The following PPP2R2B variants were observed in gnomAD, a reference collection of about 807,000 sequenced individuals.
The protein encoded by PPP2R2B is protein phosphatase 2 regulatory subunit Bbeta.
A neutral mutation model predicts 46.0 loss-of-function variants in PPP2R2B; 5 were observed. The observed-to-expected ratio is 0.11, with a 90% CI of 0.06 to 0.23. The LOEUF (loss-of-function observed/expected upper bound fraction) is 0.23, where lower values mean the gene tolerates loss of function less well. Among genes scored for constraint, PPP2R2B ranks in the 10% least tolerant of loss-of-function variants. The pLI is 1.00. For synonymous variants in PPP2R2B, 215 were observed against 206.7 expected (o/e 1.04, Z -0.34); for missense variants, 367 against 575.0 (o/e 0.64, Z 3.70).
intron 1 of PPP2R2B, among the ~76,000 whole-genome samples, chr5:146,996,236 G>A (rs1753917916): frequency 6.6e-6 from 1 of 152,178 alleles, no homozygotes. Context: ...GGCAGACGGG[G>A]AAGCCTTCAC....
At chr5:147,071,176 C>A (rs1757583827) in intron 2 of PPP2R2B, among the ~76,000 whole-genome samples, 1 of 151,998 alleles carries the variant, frequency 6.6e-6, no homozygotes, top group Non-Finnish European at 1.5e-5. Flanking sequence ...GTCTTGGGAC[C>A]AAGCTGACAT....
chr5:146,771,245 T>C (rs748297470), intron 2 of PPP2R2B, among the ~76,000 whole-genome samples: 2 of 152,138 alleles, frequency 1.3e-5, no homozygotes, highest in African/African-American at 4.8e-5. Context: ...AAATACCTCT[T>C]TGATGCTTGT....
intron 2 of PPP2R2B, among the ~76,000 whole-genome samples, chr5:146,773,961 C>T (rs949448195): frequency 2.0e-5 from 3 of 152,246 alleles, no homozygotes; most frequent in East Asian, 1.9e-4. Flanking sequence ...CACTGCAACC[C>T]GTCGTAATAG....
chr5:146,965,797 A>G lies in PPP2R2B; in HGVS notation c.79+89868T>C, dbSNP rs538960337. Reference sequence around the variant, plus strand: ...TTCTTAAAATCCATAGCAGGAAAGCATGATGGTTAATAGCTAGGCTCTGAC... The same window carrying G: ...TTCTTAAAATCCATAGCAGGAAAGCGTGATGGTTAATAGCTAGGCTCTGAC... On this transcript the variant is annotated intron_variant, in intron 1 of 8. Transcript: ENST00000336640. Among the ~76,000 whole-genome samples the G allele has an allele frequency of 5.9e-5, 9 of 152,330 alleles. No homozygotes were observed. In the East Asian group the frequency reaches 1.7e-3, roughly 29 times the overall value.
intron 1 of PPP2R2B, among the ~76,000 whole-genome samples, chr5:146,963,565 A>T (rs911332044): frequency 6.6e-5 from 10 of 152,162 alleles, no homozygotes; most frequent in Non-Finnish European, 1.5e-4. Flanking sequence ...TGGGGTCCCA[A>T]GTTTTTCCCC....
chr5:146,838,253 G>A (rs1275150458), intron 2 of PPP2R2B, among the ~76,000 whole-genome samples: 2 of 152,100 alleles, frequency 1.3e-5, no homozygotes, highest in African/African-American at 4.8e-5. Context: ...ATACAGGGTG[G>A]TTAGGGGATT....
intron 1 of PPP2R2B, among the ~76,000 whole-genome samples, chr5:146,924,627 C>T (rs886381434): frequency 6.6e-6 from 1 of 152,140 alleles, no homozygotes; most frequent in Non-Finnish European, 1.5e-5. Context: ...ACCCTGTGGT[C>T]AGAAGGGCCT....
intron 2 of PPP2R2B, among the ~76,000 whole-genome samples, chr5:146,740,865 T>C (rs1317551358): frequency 1.3e-5 from 2 of 152,076 alleles, no homozygotes; most frequent in Non-Finnish European, 1.5e-5. Context: ...GTGTGTCTCA[T>C]AGGCCATGAA....
At chr5:146,877,422 C>T (rs1288085719) in intron 2 of PPP2R2B, among the ~76,000 whole-genome samples, 1 of 152,214 alleles carries the variant, frequency 6.6e-6, no homozygotes, top group South Asian at 2.1e-4. Flanking sequence ...ATTCGCTGCC[C>T]GCCAGAGCAC....
intron 1 of PPP2R2B, among the ~76,000 whole-genome samples, chr5:146,941,572 T>G (rs1335521144): frequency 6.6e-6 from 1 of 152,194 alleles, no homozygotes; most frequent in Admixed American, 6.5e-5. Context: ...TAAAAAACAT[T>G]AGGTTGGTGC....
At chr5:146,995,322 A>G (rs1753877649) in intron 1 of PPP2R2B, among the ~76,000 whole-genome samples, 1 of 152,184 alleles carries the variant, frequency 6.6e-6, no homozygotes, top group Admixed American at 6.5e-5. Flanking sequence ...ACACACAGGC[A>G]GTCATTATTT....
chr5:146,842,579 T>G (rs1759729555), intron 2 of PPP2R2B, among the ~76,000 whole-genome samples: 1 of 151,820 alleles, frequency 6.6e-6, no homozygotes, highest in Non-Finnish European at 1.5e-5. Context: ...TTACATAGAT[T>G]ATTTCATCAC....
chr5:146,643,605 G>T (rs1316763274), intron 6 of PPP2R2B, among the ~76,000 whole-genome samples: 1 of 152,156 alleles, frequency 6.6e-6, no homozygotes, highest in African/African-American at 2.4e-5. Flanking sequence ...GGGTGGGAAG[G>T]AGGTGAGGGA....
intron 1 of PPP2R2B, among the ~76,000 whole-genome samples, chr5:147,021,812 G>C (rs1197401667): frequency 1.3e-5 from 2 of 152,062 alleles, no homozygotes; most frequent in Non-Finnish European, 2.9e-5. Context: ...TTCTAGATAT[G>C]CAAAGAAGCT....
At chr5:147,047,674 T>C (rs998292869) in intron 1 of PPP2R2B, among the ~76,000 whole-genome samples, 11 of 152,228 alleles carry the variant, frequency 7.2e-5, no homozygotes, top group Middle Eastern at 3.4e-3. Context: ...GGCCAGGAAA[T>C]AAAATGACTT....
intron 5 of PPP2R2B, among the ~76,000 whole-genome samples, chr5:146,678,062 T>A (rs1297832882): frequency 6.6e-6 from 1 of 152,186 alleles, no homozygotes; most frequent in Non-Finnish European, 1.5e-5. Flanking sequence ...AAAGCCCCCA[T>A]GGCTCAGAGG....
intron 1 of PPP2R2B, among the ~76,000 whole-genome samples, chr5:146,949,249 A>G (rs1349746645): frequency 6.6e-6 from 1 of 152,098 alleles, no homozygotes; most frequent in Admixed American, 6.6e-5. Context: ...CAAACTATCT[A>G]TCCAACATGA....
At chr5:146,842,909 C>A (rs1235068115) in intron 2 of PPP2R2B, among the ~76,000 whole-genome samples, 1 of 152,204 alleles carries the variant, frequency 6.6e-6, no homozygotes, top group Non-Finnish European at 1.5e-5. Flanking sequence ...TTAAAATTGG[C>A]TGGGCGCGGT....
rs114803237 is a variant in PPP2R2B at position 146,744,557 on chromosome 5, C to T, written c.71-43415G>A. The stretch of plus-strand genomic sequence containing the variant: ...TGAGAAATGTGAAATTCCACTCCTA[C>T]CCTCACATGTGTCACCAGGGAACCA... On this transcript the variant is annotated intron_variant, in intron 2 of 9. Transcript: ENST00000394411. 6.2e-3 allele frequency among the ~76,000 whole-genome samples: 942 copies of T among 152,296 alleles called. 13 individuals carry two copies. Among genetic ancestry groups the T allele is most frequent in the African/African-American group, 0.021 (887 of 41,560 alleles).
Sources: allele counts gnomAD v4.1 joint callset (sites outside exome capture counted in the v4.1 genomes callset), GRCh38; gene constraint gnomAD v4.1.1; transcripts MANE v1.5; gene names NCBI Gene and HGNC (gene_info 2026-07-23, HGNC 2026-07-21).